The following NOL4L variants were observed in gnomAD, a reference collection of about 807,000 sequenced individuals.
The protein encoded by NOL4L is nucleolar protein 4 like.
A neutral mutation model predicts 64.5 loss-of-function variants in NOL4L; 7 were observed. The ratio of observed to expected loss-of-function variants is 0.11; its 90% CI spans 0.06 to 0.20. The LOEUF (loss-of-function observed/expected upper bound fraction) is 0.20. Ranked by LOEUF, NOL4L falls within the 10% of genes least tolerant of loss-of-function variation. The probability of loss-of-function intolerance (pLI) is 1.00; values close to 1 mark genes in which losing one functional copy is unlikely to be tolerated. For missense variants in NOL4L, 680 were observed against 967.1 expected (o/e 0.70, Z 3.94); for synonymous variants, 413 against 401.0 (o/e 1.03, Z -0.36).
At chr20:32,569,263 A>G (rs1476626414) in intron 1 of NOL4L, among the ~76,000 whole-genome samples, 1 of 152,168 alleles carries the variant, frequency 6.6e-6, no homozygotes, top group Non-Finnish European at 1.5e-5. Flanking sequence ...TGGCTGAAGG[A>G]AAGTGAGCAG....
At position 32,452,457 on chromosome 20, in the gene NOL4L, G is replaced by T. The variant is rs748713489; in HGVS notation, c.1621-20C>A. ...CTCATCCTGCAGAGGGGAGAGGGGG[G>T]CGCTGGGGAAACCAAGGGGCAGCTG... On this transcript the variant is annotated intron_variant, in intron 9 of 10. Coordinates refer to ENST00000621426, the MANE Select transcript of NOL4L (RefSeq NM_001256798.2). 3.9e-6 allele frequency: 6 copies of T among 1,542,390 alleles called. No homozygotes were observed. The East Asian group carries it at 9.2e-5, about 24-fold the overall frequency.
intron 1 of NOL4L, among the ~76,000 whole-genome samples, chr20:32,550,236 C>T (rs2018781927): frequency 6.6e-6 from 1 of 152,136 alleles, no homozygotes; most frequent in Non-Finnish European, 1.5e-5. Context: ...ACTATTGTAA[C>T]ACAATGATAT....
chr20:32,453,568 G>A lies in NOL4L; in HGVS notation c.1305+8C>T. 6.2e-7 allele frequency: 1 copy of A among 1,613,932 alleles called. No homozygotes were observed. Among genetic ancestry groups the A allele is most frequent in the Non-Finnish European group, 8.5e-7 (1 of 1,179,806 alleles). On this transcript the variant is annotated splice_region_variant and intron_variant, in intron 7 of 10. Transcript: ENST00000621426. The surrounding 1 kb of genome is among the most constrained non-coding windows in gnomAD (Gnocchi z 5.6). The stretch of plus-strand genomic sequence containing the variant: ...ATCCCACCCCACCTGTTTCCGGCCG[G>A]TGCTCACGTTGAAGGCCTTAAGACG...
intron 1 of NOL4L, among the ~76,000 whole-genome samples, chr20:32,532,640 G>T (rs1369336560): frequency 6.6e-6 from 1 of 152,184 alleles, no homozygotes; most frequent in Non-Finnish European, 1.5e-5. Context: ...TCCCCCTTCT[G>T]CCTGGTACCC....
intron 3 of NOL4L, chr20:32,520,374 G>C (rs1345687752): frequency 6.5e-6 from 1 of 155,006 alleles, no homozygotes; most frequent in East Asian, 1.9e-4. Context: ...ACAAGCACCA[G>C]GGAAGATGTA....
intron 1 of NOL4L, among the ~76,000 whole-genome samples, chr20:32,559,679 G>C (rs1978878735): frequency 6.6e-6 from 1 of 152,232 alleles, no homozygotes; most frequent in Admixed American, 6.5e-5. Context: ...GGACTGGAAT[G>C]CATGGCCTAG....
At chr20:32,546,898 A>G (rs1161531359) in intron 1 of NOL4L, among the ~76,000 whole-genome samples, 1 of 152,218 alleles carries the variant, frequency 6.6e-6, no homozygotes, top group African/African-American at 2.4e-5. Flanking sequence ...AGTATCTGCC[A>G]GAGCTGACCA....
chr20:32,475,508 C>T (rs576029239), intron 4 of NOL4L, among the ~76,000 whole-genome samples: 4 of 152,330 alleles, frequency 2.6e-5, no homozygotes, highest in East Asian at 3.9e-4. Flanking sequence ...CTGCCGGCTT[C>T]GGGCCGGCCC....
At chr20:32,483,105 GC>G (rs1311913087) in intron 4 of NOL4L, among the ~76,000 whole-genome samples, 1 of 123,526 alleles carries the variant, frequency 8.1e-6, no homozygotes, top group Non-Finnish European at 1.7e-5. Context: ...AGCCTTCATC[GC>G]CCCCCCTCCA....
At chr20:32,536,255 C>A (rs1487181866) in intron 1 of NOL4L, 3 of 985,244 alleles carry the variant, frequency 3.0e-6, no homozygotes, top group Non-Finnish European at 1.2e-6. Flanking sequence ...GGGTCCTAGG[C>A]GGAAGGAGGT....
chr20:32,516,908 A>G (rs1320240066), intron 3 of NOL4L, among the ~76,000 whole-genome samples: 1 of 152,248 alleles, frequency 6.6e-6, no homozygotes, highest in African/African-American at 2.4e-5. Flanking sequence ...ACCATGCAAC[A>G]ATATTTTGTC....
At chr20:32,583,457 G>T (rs539042575) in intron 1 of NOL4L, among the ~76,000 whole-genome samples, 3 of 149,092 alleles carry the variant, frequency 2.0e-5, no homozygotes, top group African/African-American at 4.9e-5. Flanking sequence ...GAGCGCGGAG[G>T]GGGGAGCGGG....
intron 1 of NOL4L, chr20:32,535,507 C>T (rs537020939): frequency 2.3e-5 from 20 of 856,270 alleles, no homozygotes; most frequent in Non-Finnish European, 2.7e-5. Flanking sequence ...CCGCCACCAC[C>T]GAGTCGCACC....
intron 1 of NOL4L, among the ~76,000 whole-genome samples, chr20:32,555,018 C>T (rs577739936): frequency 6.6e-5 from 10 of 152,296 alleles, no homozygotes; most frequent in Admixed American, 1.3e-4. Context: ...GATGTGGCCT[C>T]CTTGGCCTCC....
At chr20:32,545,092 C>A (rs902054091) in intron 1 of NOL4L, among the ~76,000 whole-genome samples, 3 of 152,014 alleles carry the variant, frequency 2.0e-5, no homozygotes, top group Non-Finnish European at 4.4e-5. Context: ...AGGTTTATTA[C>A]AATTTGAGTT....
Position 32,584,692 on chromosome 20 carries a change from C to G in NOL4L, c.199G>C (p.Gly67Arg). The change falls in exon 1 of 11, where the codon GGC becomes CGC. Residue 67 changes from glycine to arginine, a missense_variant. Around this residue, in one of 4 missense-constraint regions of NOL4L, gnomAD observed 181 missense variants for 335.2 expected, o/e 0.54. Transcript: ENST00000621426. ...QGGGGTGAGS[G>R]PAAGEKGKFQ... ...TTGCCTTTCTCGCCGGCTGCGGGGCCGCTGCCCGCGCCAGTCCCGCCGCCG... is the reference window on the plus strand; with the variant it reads ...TTGCCTTTCTCGCCGGCTGCGGGGCGGCTGCCCGCGCCAGTCCCGCCGCCG... The G allele has an allele frequency of 6.5e-7, 1 of 1,548,386 alleles. No individual in the cohort carries two copies. The highest frequency in any genetic ancestry group is 8.7e-7 in the Non-Finnish European group (1 of 1,145,898).
rs1353759161 is a variant in NOL4L, at chr20:32,463,295, G to A, written c.842-6900C>T. On this transcript the variant is annotated intron_variant, in intron 5 of 10. Coordinates refer to ENST00000621426, the MANE Select transcript of NOL4L (RefSeq NM_001256798.2). The surrounding 1 kb of genome is among the most constrained non-coding windows in gnomAD (Gnocchi z 5.8). ...CCAGGTGACCTCTTGTCCCCACCTG[G>A]TCCCCATCTTGCTGCTTCCATGAGG... 6.6e-6 allele frequency among the ~76,000 whole-genome samples: 1 copy of A among 152,128 alleles called. No individual in the cohort carries two copies. The highest frequency in any genetic ancestry group is 6.5e-5 in the Admixed American group (1 of 15,282).
chr20:32,552,728 C>A (rs1978382909), intron 1 of NOL4L, among the ~76,000 whole-genome samples: 1 of 152,086 alleles, frequency 6.6e-6, no homozygotes. Flanking sequence ...TCTGGCTGGG[C>A]ACAGTGGCTC....
chr20:32,512,503 G>A (rs964786539), intron 3 of NOL4L, among the ~76,000 whole-genome samples: 1 of 152,126 alleles, frequency 6.6e-6, no homozygotes, highest in East Asian at 1.9e-4. Context: ...TTGTTGTCCT[G>A]AAGATCAAAG....
Sources: gnomAD v4.1 joint callset for allele counts (sites outside exome capture counted in the v4.1 genomes callset) on GRCh38, gnomAD v4.1.1 for gene constraint, gnomAD v4.1.1 regional missense constraint, Gnocchi (gnomAD v3.1) non-coding constraint, MANE v1.5 for transcripts, NCBI Gene and HGNC (gene_info 2026-07-23, HGNC 2026-07-21) for gene names.